Variants in CELF2 observed in about 807,000 individuals in gnomAD.
The protein encoded by CELF2 is CUGBP Elav-like family member 2.
In CELF2, 8 loss-of-function variants were observed where a neutral mutation model predicts 62.6. That is an observed-to-expected ratio of 0.13 (90% CI 0.07 to 0.23). The LOEUF (loss-of-function observed/expected upper bound fraction) is 0.23, where lower values mean the gene tolerates loss of function less well. Ranked by LOEUF, CELF2 falls within the 10% of genes least tolerant of loss-of-function variation. The probability of loss-of-function intolerance (pLI) is 1.00; values close to 1 mark genes in which losing one functional copy is unlikely to be tolerated. For missense variants in CELF2, 333 were observed against 671.0 expected (o/e 0.50, Z 5.56); for synonymous variants, 258 against 250.0 (o/e 1.03, Z -0.30).
intron 2 of CELF2, among the ~76,000 whole-genome samples, chr10:10,920,942 TTTGTTG>T (rs145373066): frequency 6.6e-6 from 1 of 151,898 alleles, no homozygotes; most frequent in African/African-American, 2.4e-5. Context: ...GTGCCTTTGT[TTTGTTG>T]TTGTTGTTGT....
At chr10:10,645,850 G>A in the CELF2 span, among the ~76,000 whole-genome samples, 1 of 152,144 alleles carries the variant, frequency 6.6e-6, no homozygotes, top group African/African-American at 2.4e-5. Context: ...CCTCTTCCAT[G>A]TATAGAAGCA....
chr10:10,525,515 C>T, the CELF2 span, among the ~76,000 whole-genome samples: 1 of 152,304 alleles, frequency 6.6e-6, no homozygotes, highest in African/African-American at 2.4e-5. Flanking sequence ...CCTTCTGACC[C>T]CGTGTAACCA....
chr10:10,556,410 A>G, the CELF2 span, among the ~76,000 whole-genome samples: 1 of 152,018 alleles, frequency 6.6e-6, no homozygotes, highest in African/African-American at 2.4e-5. Flanking sequence ...TATGTGCCAC[A>G]TTTTCTTAAT....
At chr10:11,077,616 A>C (rs904473613) in intron 1 of CELF2, among the ~76,000 whole-genome samples, 1 of 152,208 alleles carries the variant, frequency 6.6e-6, no homozygotes, top group Non-Finnish European at 1.5e-5. Context: ...TACTTTTATC[A>C]GCAAAATTTG....
chr10:10,651,327 T>C, the CELF2 span, among the ~76,000 whole-genome samples: 1 of 147,848 alleles, frequency 6.8e-6, no homozygotes, highest in African/African-American at 2.5e-5. Context: ...CTTGCTTAGG[T>C]AAACAAAGCA....
intron 9 of CELF2, among the ~76,000 whole-genome samples, chr10:11,293,587 C>T (rs570349249): frequency 1.6e-4 from 25 of 152,302 alleles, no homozygotes; most frequent in African/African-American, 5.3e-4. Flanking sequence ...GTTCTGCAGA[C>T]GTCACCCCTC....
In CELF2 at chr10:11,027,915, A is replaced by G. The variant is rs562564632; in HGVS notation, c.74+9752A>G. On this transcript the variant is annotated intron_variant, in intron 1 of 12. Transcript: ENST00000633077. The stretch of plus-strand genomic sequence containing the variant: ...TTGGGAAAGAAATGACAACCTAAAT[A>G]TTTTATAGCTTCCTGGCACTTAAAA... Among the ~76,000 whole-genome samples the G allele has an allele frequency of 2.6e-5, 4 of 152,306 alleles. No individual in the cohort carries two copies. In the South Asian group the frequency reaches 8.3e-4, roughly 32 times the overall value.
At chr10:11,007,889 A>T (rs1030016772) in intron 1 of CELF2, among the ~76,000 whole-genome samples, 2 of 152,140 alleles carry the variant, frequency 1.3e-5, no homozygotes, top group South Asian at 2.1e-4. Context: ...TCTGTGATCT[A>T]GTCACTCTAA....
Position 11,325,982 on chromosome 10 carries a change from A to G in CELF2, c.1438+3A>G. 6.2e-7 allele frequency: 1 copy of G among 1,609,324 alleles called. No individual in the cohort carries two copies. ...GACCAATCTGAGCAAGTGCTTTGGT[A>G]TGCAAAAGAAACTAAGCTAGTATAT... On this transcript the variant is annotated splice_donor_region_variant and intron_variant, in intron 12 of 12. Coordinates refer to ENST00000633077, the MANE Select transcript of CELF2 (RefSeq NM_001326342.2).
the CELF2 span, among the ~76,000 whole-genome samples, chr10:10,714,620 T>C: frequency 6.2e-4 from 95 of 152,266 alleles, no homozygotes; most frequent in Non-Finnish European, 1.1e-3. Context: ...CCCTACGACA[T>C]GTTGACAGAA....
At chr10:10,759,554 C>A in the CELF2 span, among the ~76,000 whole-genome samples, 904 of 152,000 alleles carry the variant, frequency 5.9e-3, 3 homozygotes, top group African/African-American at 0.014. Context: ...AGGTGATCAC[C>A]CGCCTCGGCC....
In CELF2 at chr10:11,211,606, C is replaced by T. The variant is rs1312591139; in HGVS notation, c.272-5819C>T. Among the ~76,000 whole-genome samples the T allele has an allele frequency of 2.0e-5, 3 of 152,130 alleles. No homozygotes were observed. In the East Asian group the frequency reaches 5.8e-4, roughly 29 times the overall value. ...CTGTGAGTATTATTACCCAGAGTTT[C>T]CAAGTAAAGATTTTCAAGGGAAACA... is the stretch of plus-strand genomic sequence containing the variant. On this transcript the variant is annotated intron_variant, in intron 2 of 12. Coordinates refer to ENST00000633077, the MANE Select transcript of CELF2 (RefSeq NM_001326342.2). The surrounding 1 kb of genome is among the most constrained non-coding windows in gnomAD (Gnocchi z 4.8).
chr10:11,251,384 C>G lies in CELF2; in HGVS notation c.403+2183C>G, dbSNP rs975298286. ...GGAGTTTGCAGAGTGTTTTGTTGTT[C>G]TTTCTGTCCAGTGTCCACTGTGGTC... On this transcript the variant is annotated intron_variant, in intron 4 of 12. Transcript: ENST00000633077. 6.2e-5 allele frequency among the ~76,000 whole-genome samples: 8 copies of G among 128,928 alleles called. No homozygotes were observed. In the South Asian group the frequency reaches 2.1e-3, roughly 34 times the overall value. 84.6% of individuals were successfully genotyped at this position (128,928 alleles called of 152,430 possible). A position where few individuals can be genotyped will look rare whatever the true frequency, so the allele number is the denominator to read the frequency against.
chr10:11,231,352 AC>A, intron 3 of CELF2, among the ~76,000 whole-genome samples: 1 of 152,370 alleles, frequency 6.6e-6, no homozygotes, highest in South Asian at 2.1e-4. Context: ...TGCTTATTAG[AC>A]CAGCATCAAA....
chr10:10,520,349 C>A, the CELF2 span, among the ~76,000 whole-genome samples: 5 of 152,204 alleles, frequency 3.3e-5, no homozygotes, highest in Admixed American at 1.3e-4. Flanking sequence ...AAGATGACAC[C>A]ATGGCAAGCT....
At chr10:11,057,519 A>G (rs1187005548) in intron 1 of CELF2, among the ~76,000 whole-genome samples, 1 of 152,250 alleles carries the variant, frequency 6.6e-6, no homozygotes, top group Non-Finnish European at 1.5e-5. Flanking sequence ...CTCACAAAGG[A>G]GCCTCAGCCA....
At chr10:10,642,449 G>A in the CELF2 span, among the ~76,000 whole-genome samples, 1 of 152,212 alleles carries the variant, frequency 6.6e-6, no homozygotes, top group Non-Finnish European at 1.5e-5. Flanking sequence ...CTGACGAGGA[G>A]GTTGTCTTTT....
At chr10:11,176,464 TTA>T (rs1280886002) in intron 2 of CELF2, among the ~76,000 whole-genome samples, 3 of 152,210 alleles carry the variant, frequency 2.0e-5, no homozygotes, top group Non-Finnish European at 2.9e-5. Flanking sequence ...ACTGATAGTG[TTA>T]ACCATCACAG....
intron 1 of CELF2, among the ~76,000 whole-genome samples, chr10:11,033,803 C>T (rs1705391599): frequency 6.6e-6 from 1 of 152,198 alleles, no homozygotes. Flanking sequence ...TACAGTTGTA[C>T]AGTCTGTACA....
Sources: allele counts gnomAD v4.1 joint callset (sites outside exome capture counted in the v4.1 genomes callset), GRCh38; gene constraint gnomAD v4.1.1; non-coding constraint Gnocchi (gnomAD v3.1); transcripts MANE v1.5; gene names NCBI Gene and HGNC (gene_info 2026-07-23, HGNC 2026-07-21).